Variants in MAGOHB observed in about 807,000 individuals in gnomAD.
MAGOHB encodes the protein mago homolog B, exon junction complex subunit, also known as protein mago nashi homolog 2.
Under a neutral mutation model 20.9 loss-of-function variants are expected in MAGOHB, and 15 were observed. The ratio of observed to expected loss-of-function variants is 0.72; its 90% confidence interval spans 0.48 to 1.11. MAGOHB has a LOEUF of 1.11. Ranked by LOEUF, MAGOHB falls within the 50% of genes least tolerant of loss-of-function variation. The pLI is 0.00. For missense variants in MAGOHB, 162 were observed against 177.6 expected, an observed-to-expected ratio of 0.91 and a Z score of 0.50; for synonymous variants, 50 against 57.9, an observed-to-expected ratio of 0.86 and a Z score of 0.62.
At chr12:10,609,019 T>A (rs956798301) in intron 3 of MAGOHB, 2 of 159,470 alleles carry the variant, frequency 1.3e-5, no homozygotes, top group African/African-American at 4.8e-5. Flanking sequence ...CATATGTGTA[T>A]CTGCATAAAA....
Position 10,613,536 on chromosome 12 carries a change from T to C in MAGOHB, c.-4A>G, listed in dbSNP as rs763767517. On this transcript the variant is annotated 5_prime_UTR_variant, in exon 1 of 5. Transcript: ENST00000320756. ...AGAAATCGCTAGCCACAGCCATTTTTGTACCCGGGAAGCCCGCCGAAAACG... is the reference window on the plus strand; with the variant it reads ...AGAAATCGCTAGCCACAGCCATTTTCGTACCCGGGAAGCCCGCCGAAAACG... 95 of 1,610,542 alleles carry C rather than the reference T, an allele frequency of 5.9e-5. No individual in the cohort carries two copies. Among genetic ancestry groups the C allele is most frequent in the Non-Finnish European group, 7.4e-5 (87 of 1,176,828 alleles).
chr12:10,609,011 T>C (rs1170703985), intron 3 of MAGOHB: 1 of 157,498 alleles, frequency 6.3e-6, no homozygotes, highest in Non-Finnish European at 1.4e-5. Context: ...TTTTAGTACA[T>C]ATGTGTATCT....
chr12:10,604,113 G>A (rs527883821), downstream of MAGOHB: 1 of 152,322 alleles, frequency 6.6e-6, no homozygotes, highest in African/African-American at 2.4e-5. Flanking sequence ...ATATGGAAAA[G>A]ACTGTGCTAG....
At chr12:10,606,740 CT>C (rs1442485803) in intron 4 of MAGOHB, among the ~76,000 whole-genome samples, 1 of 151,190 alleles carries the variant, frequency 6.6e-6, no homozygotes, top group African/African-American at 2.4e-5. Context: ...TCCTTGTGCC[CT>C]TTTTTACATT....
chr12:10,610,732 A>T (rs1180732268), intron 1 of MAGOHB, 52 bp from the exon 2 acceptor site: 5 of 1,505,188 alleles, frequency 3.3e-6, no homozygotes, highest in East Asian at 2.4e-5. Flanking sequence ...TGCTAAAAAA[A>T]TTAACATCAT....
intron 1 of MAGOHB, 83 bp from the exon 2 acceptor site, chr12:10,610,763 A>C (rs1234928676): frequency 8.5e-7 from 1 of 1,176,970 alleles, no homozygotes; most frequent in Non-Finnish European, 1.2e-6. Flanking sequence ...GAAGGTAAAG[A>C]CCATTTTATA....
At chr12:10,612,269 T>C (rs73259912) in intron 1 of MAGOHB, among the ~76,000 whole-genome samples, 4,812 of 151,564 alleles carry the variant, frequency 0.032, 266 homozygotes, top group African/African-American at 0.11. Context: ...TGAGGTGGCG[T>C]GGGCCTGTAT....
downstream of MAGOHB, among the ~76,000 whole-genome samples, chr12:10,603,243 G>A (rs767764752): frequency 3.3e-5 from 5 of 150,274 alleles, no homozygotes; most frequent in Admixed American, 2.7e-4. Flanking sequence ...GAACCCCGGA[G>A]GCGGAGCTTG....
chr12:10,611,662 C>G (rs764409281), intron 1 of MAGOHB, among the ~76,000 whole-genome samples: 5 of 144,802 alleles, frequency 3.5e-5, no homozygotes. Flanking sequence ...GCAGGAGAAT[C>G]GCTTCAATCC....
rs916254127 is a variant in MAGOHB, at chr12:10,604,693, A to C, written c.*1582T>G. On this transcript the variant is annotated 3_prime_UTR_variant, in exon 5 of 5. Transcript: ENST00000320756. ...ATTACAATACGATTTCATACTGCAC[A>C]ATCATCAAGGTCTACAACTGGAACA... 2 of 152,208 alleles carry C rather than the reference A, an allele frequency of 1.3e-5. No homozygotes were observed. Among genetic ancestry groups the C allele is most frequent in the Non-Finnish European group, 1.5e-5 (1 of 68,028 alleles). The allele number at this position is 152,208 out of a possible 1,614,324, so 9.4% of individuals were successfully genotyped here.
At chr12:10,610,364 G>A (rs775006171) in intron 2 of MAGOHB, among the ~76,000 whole-genome samples, 11 of 152,144 alleles carry the variant, frequency 7.2e-5, no homozygotes, top group South Asian at 2.1e-4. Flanking sequence ...GGGTAACAGA[G>A]CGAGACTCTG....
At chr12:10,612,374 G>C (rs1865764214) in intron 1 of MAGOHB, among the ~76,000 whole-genome samples, 1 of 149,748 alleles carries the variant, frequency 6.7e-6, no homozygotes, top group Non-Finnish European at 1.5e-5. Context: ...CTCAGATCTG[G>C]GTGACAGAGT....
At position 10,604,869 on chromosome 12, in the gene MAGOHB, A is replaced by G. The variant is rs917628739; in HGVS notation, c.*1406T>C. The G allele has an allele frequency of 7.9e-5, 12 of 152,212 alleles. No homozygotes were observed. Among genetic ancestry groups the G allele is most frequent in the Non-Finnish European group, 1.3e-4 (9 of 68,040 alleles). 9.4% of individuals were successfully genotyped at this position (152,212 alleles called of 1,614,324 possible). ...TCTAGTGCTCCATGGCAAACAGGTT[A>G]CCAAGCCATGCTCTAGAGCTATACT... On this transcript the variant is annotated 3_prime_UTR_variant, in exon 5 of 5. Coordinates refer to ENST00000320756, the MANE Select transcript of MAGOHB (RefSeq NM_018048.5).
At chr12:10,608,185 C>T (rs1305276217) in intron 3 of MAGOHB, 5 of 295,904 alleles carry the variant, frequency 1.7e-5, no homozygotes, top group Non-Finnish European at 3.1e-5. Context: ...ATAAAGAAGA[C>T]ACTATGAAAC....
In MAGOHB at chr12:10,605,944, A is replaced by G. The variant is rs1865621560; in HGVS notation, c.*331T>C. 6.3e-6 allele frequency: 1 copy of G among 159,304 alleles called. No homozygotes were observed. Among genetic ancestry groups the G allele is most frequent in the Admixed American group, 6.5e-5 (1 of 15,432 alleles). 9.9% of individuals were successfully genotyped at this position (159,304 alleles called of 1,614,324 possible). A position where few individuals can be genotyped will look rare whatever the true frequency, so the allele number is the denominator to read the frequency against. ...GTCACAGGATATATCTACCAGAACA[A>G]TTTCTTATTATCTCTAAAGTGAATT... On this transcript the variant is annotated 3_prime_UTR_variant, in exon 5 of 5. Transcript: ENST00000320756.
At chr12:10,608,081 G>C (rs771148518) in intron 3 of MAGOHB, 145 bp from the exon 4 acceptor site, 2 of 558,586 alleles carry the variant, frequency 3.6e-6, no homozygotes, top group Non-Finnish European at 6.2e-6. Flanking sequence ...AAAGAAACAT[G>C]GTTTCTTAGA....
intron 2 of MAGOHB, 35 bp downstream of exon 2, chr12:10,610,575 TGCAAAAAAAAAA>T: frequency 4.4e-5 from 53 of 1,204,602 alleles, no homozygotes; most frequent in South Asian, 1.9e-4. Flanking sequence ...ATGGGCTAAA[TGCAAAAAAAAAA>T]AAAAAAAAAA....
At chr12:10,609,518 C>T (rs1205560192) in intron 3 of MAGOHB, 2 of 391,888 alleles carry the variant, frequency 5.1e-6, no homozygotes. Context: ...TTTACATAGT[C>T]ATATTCTTAA....
chr12:10,613,509 G>T lies in MAGOHB; in HGVS notation c.24C>A (p.Tyr8Ter). The T allele has an allele frequency of 6.2e-7, 1 of 1,613,790 alleles. No individual in the cohort carries two copies. The highest frequency in any genetic ancestry group is 8.5e-7 in the Non-Finnish European group (1 of 1,179,702). The change falls in exon 1 of 5, where the codon TAC becomes TAA. Residue 8 changes from tyrosine (Y) to a stop codon, truncating the protein, a stop_gained. Coordinates refer to ENST00000320756, the MANE Select transcript of MAGOHB (RefSeq NM_018048.5). LOFTEE classifies it high-confidence loss of function. Reference protein sequence around the residue: MAVASDFYLRYYVGHKGK... With the variant: MAVASDF ...CCTTGTGCCCTACGTAGTAGCGCAG[G>T]TAGAAATCGCTAGCCACAGCCATTT...
Sources: allele counts gnomAD v4.1 joint callset (sites outside exome capture counted in the v4.1 genomes callset), GRCh38; gene constraint gnomAD v4.1.1; transcripts MANE v1.5; gene names NCBI Gene and HGNC (gene_info 2026-07-23, HGNC 2026-07-21).